The following SLC26A8 variants were observed in gnomAD, a reference collection of about 807,000 sequenced individuals.
The protein encoded by SLC26A8 is testis anion transporter 1.
In SLC26A8, 70 loss-of-function variants were observed where a neutral mutation model predicts 105.0. That is an observed-to-expected ratio of 0.67 (90% CI 0.55 to 0.81). SLC26A8 has a LOEUF of 0.81. Among genes scored for constraint, SLC26A8 ranks in the 40% least tolerant of loss-of-function variants. The pLI, the probability that SLC26A8 is intolerant of heterozygous loss-of-function variation, is 0.00. For missense variants in SLC26A8, 998 were observed against 1,181.8 expected (o/e 0.84, Z 2.28); for synonymous variants, 415 against 438.3 (o/e 0.95, Z 0.66).
intron 3 of SLC26A8, among the ~76,000 whole-genome samples, chr6:36,005,881 C>T (rs1761670856): frequency 6.6e-6 from 1 of 152,066 alleles, no homozygotes; most frequent in Non-Finnish European, 1.5e-5. Context: ...TTCTTTAATT[C>T]TACATTTATA....
At chr6:35,982,312 C>T (rs1773305158) in intron 7 of SLC26A8, 109 bp from the exon 8 acceptor site, 2 of 993,956 alleles carry the variant, frequency 2.0e-6, no homozygotes, top group African/African-American at 3.2e-5. Context: ...GAAAATGAAA[C>T]AGGCAGCAGT....
intron 2 of SLC26A8, among the ~76,000 whole-genome samples, chr6:36,016,495 T>C (rs774876215): frequency 9.9e-5 from 15 of 152,242 alleles, no homozygotes; most frequent in Non-Finnish European, 1.6e-4. Flanking sequence ...AACATTTCTA[T>C]ATTACATTAC....
rs548457586 is a variant in SLC26A8 at position 35,997,667 on chromosome 6, T to A, written c.627+71A>T. ...ATATCACAGTGGATCACAGGAGCAGTATAAGGAAGGGGTCTGTTTATAGCC... is the reference window on the plus strand; with the variant it reads ...ATATCACAGTGGATCACAGGAGCAGAATAAGGAAGGGGTCTGTTTATAGCC... On this transcript the variant is annotated intron_variant, in intron 5 of 19. Transcript: ENST00000490799. 2.8e-6 allele frequency: 4 copies of A among 1,442,364 alleles called. No homozygotes were observed. In the South Asian group the frequency reaches 5.3e-5, roughly 19 times the overall value. 89.3% of individuals were successfully genotyped at this position (1,442,364 alleles called of 1,614,324 possible).
At chr6:35,998,469 C>T (rs1187210149) in intron 4 of SLC26A8, among the ~76,000 whole-genome samples, 2 of 151,462 alleles carry the variant, frequency 1.3e-5, no homozygotes, top group Non-Finnish European at 2.9e-5. Context: ...ACAGGAGAAT[C>T]ACTTGAAGCC....
In SLC26A8 at chr6:36,024,507, G is replaced by C. The variant is rs569878762; in HGVS notation, c.-6C>G. On this transcript the variant is annotated 5_prime_UTR_variant, in exon 1 of 20. Transcript: ENST00000490799. ...GCGTCTCCCAGCAGCGGCTCACCTG[G>C]CTCCTTGGCGGGGGCGGGAGTGCGG... 4.5e-6 allele frequency: 2 copies of C among 444,258 alleles called. No homozygotes were observed. Among genetic ancestry groups the C allele is most frequent in the African/African-American group, 2.1e-5 (1 of 48,696 alleles). 27.5% of individuals were successfully genotyped at this position (444,258 alleles called of 1,614,324 possible).
At chr6:35,967,491 C>A (rs565382786) in intron 11 of SLC26A8, among the ~76,000 whole-genome samples, 7 of 152,310 alleles carry the variant, frequency 4.6e-5, no homozygotes, top group African/African-American at 1.7e-4. Context: ...AATTAACACA[C>A]CTGGCATCTC....
rs148528937 is a variant in SLC26A8, at chr6:35,958,583, G to A, written c.1863+877C>T. 4.6e-5 allele frequency among the ~76,000 whole-genome samples: 7 copies of A among 152,332 alleles called. No individual in the cohort carries two copies. In the East Asian group the frequency reaches 1.4e-3, roughly 29 times the overall value. On this transcript the variant is annotated intron_variant, in intron 16 of 19. Transcript: ENST00000490799. ...GCAGGTGGATTGCCTGAGGTCAGGAGTTCGAGACTAGCCTGGCCAACATGG... is the reference window on the plus strand; with the variant it reads ...GCAGGTGGATTGCCTGAGGTCAGGAATTCGAGACTAGCCTGGCCAACATGG...
rs373360761 is a variant in SLC26A8, at chr6:35,999,867, T to C, written c.445+125A>G. Reference sequence around the variant, plus strand: ...ACAATCTGAACACTAACTGTATGGATAGAATGTCCACCTCCTGCCTCCTTT... The same window carrying C: ...ACAATCTGAACACTAACTGTATGGACAGAATGTCCACCTCCTGCCTCCTTT... On this transcript the variant is annotated intron_variant, in intron 4 of 19. Coordinates refer to ENST00000490799, the MANE Select transcript of SLC26A8 (RefSeq NM_052961.4). 31 of 651,630 alleles carry C rather than the reference T, an allele frequency of 4.8e-5. No individual in the cohort carries two copies. In the South Asian group the frequency reaches 5.7e-4, roughly 12 times the overall value. The allele number at this position is 651,630 out of a possible 1,614,324, so 40.4% of individuals were successfully genotyped here.
At position 35,999,772 on chromosome 6, in the gene SLC26A8, C is replaced by T. The variant is rs551239235; in HGVS notation, c.445+220G>A. On this transcript the variant is annotated intron_variant, in intron 4 of 19. Coordinates refer to ENST00000490799, the MANE Select transcript of SLC26A8 (RefSeq NM_052961.4). The stretch of plus-strand genomic sequence containing the variant: ...GGAAAGTACCTCTGCCCTTTAATTT[C>T]TTTGGGAAACATCTTGCTGGCCTGT... Among the ~76,000 whole-genome samples, 141 of 152,270 alleles carry T rather than the reference C, an allele frequency of 9.3e-4. 1 individual carries two copies. The highest frequency in any genetic ancestry group is 9.2e-4 in the Admixed American group (14 of 15,292).
chr6:35,946,066 T>C (rs915296588), intron 19 of SLC26A8, among the ~76,000 whole-genome samples: 2 of 152,226 alleles, frequency 1.3e-5, no homozygotes, highest in African/African-American at 4.8e-5. Context: ...TGTCTATCTA[T>C]GCTCTCTCCA....
chr6:35,955,267 C>T lies in SLC26A8; in HGVS notation c.2117G>A (p.Arg706Lys), dbSNP rs1273547892. 2 of 1,614,178 alleles carry T rather than the reference C, an allele frequency of 1.2e-6. No homozygotes were observed. Among genetic ancestry groups the T allele is most frequent in the South Asian group, 1.1e-5 (1 of 91,080 alleles). Reference protein sequence around the residue: ...GLPDVAESQGRRSLIPYSDAS... With the variant: ...GLPDVAESQGKRSLIPYSDAS... ...ATCTGAGTAAGGGATGAGTGATCTC[C>T]TCCCCTGGCTTTCCGCCACATCAGG... The change falls in exon 17 of 20, where the codon AGG becomes AAG. Residue 706 changes from arginine (R) to lysine (K), a missense_variant. By Grantham distance (26) the Arg-to-Lys change is conservative. Coordinates refer to ENST00000490799, the MANE Select transcript of SLC26A8 (RefSeq NM_052961.4).
intron 2 of SLC26A8, among the ~76,000 whole-genome samples, chr6:36,016,747 T>A (rs1038495098): frequency 6.6e-6 from 1 of 152,248 alleles, no homozygotes. Flanking sequence ...GAAAACAGAA[T>A]ATCTACATGT....
At chr6:35,965,759 G>A (rs1772487801) in intron 11 of SLC26A8, among the ~76,000 whole-genome samples, 1 of 151,794 alleles carries the variant, frequency 6.6e-6, no homozygotes, top group African/African-American at 2.4e-5. Flanking sequence ...GGGAGGCTGA[G>A]GTGGGTGGAT....
chr6:36,015,350 A>G (rs1216052276), intron 2 of SLC26A8, among the ~76,000 whole-genome samples: 1 of 152,094 alleles, frequency 6.6e-6, no homozygotes, highest in Non-Finnish European at 1.5e-5. Flanking sequence ...TGACCTCGTG[A>G]TCTGCCTGCC....
rs112542594 is a variant in SLC26A8, at chr6:35,951,084, G to A, written c.2472+79C>T. The A allele has an allele frequency of 2.0e-5, 26 of 1,285,982 alleles. No homozygotes were observed. In the South Asian group the frequency reaches 2.6e-4, roughly 13 times the overall value. The allele number at this position is 1,285,982 out of a possible 1,614,324, so 79.7% of individuals were successfully genotyped here. On this transcript the variant is annotated intron_variant, in intron 19 of 19. Coordinates refer to ENST00000490799, the MANE Select transcript of SLC26A8 (RefSeq NM_052961.4). ...ATCTGATCAGGAATCCTGACTCCCA[G>A]CCCCCAACCACCCCTCACCCATCCC...
rs142316148 is a variant in SLC26A8, at chr6:35,959,284, T to C, written c.1863+176A>G. Reference sequence around the variant, plus strand: ...CTCAAGGGGGAATCTTGTGCCTTTTTTTTTTCAGTCAAGCCTCCAAGGTGA... The same window carrying C: ...CTCAAGGGGGAATCTTGTGCCTTTTCTTTTTCAGTCAAGCCTCCAAGGTGA... On this transcript the variant is annotated intron_variant, in intron 16 of 19. Transcript: ENST00000490799. Among the ~76,000 whole-genome samples the C allele has an allele frequency of 2.7e-3, 409 of 152,246 alleles. 2 individuals are homozygous for C. The highest frequency in any genetic ancestry group is 8.6e-3 in the African/African-American group (359 of 41,550).
intron 10 of SLC26A8, among the ~76,000 whole-genome samples, chr6:35,971,931 ATGGAGTGGGGGACAGCCCAGC>A (rs1408541413): frequency 6.6e-6 from 1 of 152,160 alleles, no homozygotes; most frequent in African/African-American, 2.4e-5. Flanking sequence ...GACCAGAAAG[ATGGAGTGGGGGACAGCCCAGC>A]TGGCCACAGG....
intron 3 of SLC26A8, among the ~76,000 whole-genome samples, chr6:36,004,433 T>G (rs1463103782): frequency 8.2e-6 from 1 of 121,284 alleles, no homozygotes; most frequent in African/African-American, 2.9e-5. Flanking sequence ...ATCTTACTAT[T>G]TTCTTTGTTT....
intron 4 of SLC26A8, among the ~76,000 whole-genome samples, chr6:35,998,555 C>CAAAA (rs56714506): frequency 8.4e-6 from 1 of 118,916 alleles, no homozygotes; most frequent in Non-Finnish European, 1.8e-5. Flanking sequence ...AACTCCATCT[C>CAAAA]AAAAAAAAAA....
Sources: gnomAD v4.1 joint callset for allele counts (sites outside exome capture counted in the v4.1 genomes callset) on GRCh38, gnomAD v4.1.1 for gene constraint, MANE v1.5 for transcripts, NCBI Gene and HGNC (gene_info 2026-07-23, HGNC 2026-07-21) for gene names.